TECPR2: variants seen among roughly 807,000 people sequenced by gnomAD.
The protein encoded by TECPR2 is tectonin beta-propeller repeat containing 2, also known as tectonin beta-propeller repeat-containing protein 2.
Under a neutral mutation model 138.1 loss-of-function variants are expected in TECPR2, and 65 were observed. That is an observed-to-expected ratio of 0.47 (90% CI 0.39 to 0.58). The LOEUF (loss-of-function observed/expected upper bound fraction) is 0.58. Among genes scored for constraint, TECPR2 ranks in the 20% least tolerant of loss-of-function variants. The probability of loss-of-function intolerance (pLI) is 0.00; values close to 1 mark genes in which losing one functional copy is unlikely to be tolerated. For missense variants in TECPR2, 1,553 were observed against 1,824.5 expected, an observed-to-expected ratio of 0.85 and a Z score of 2.71; for synonymous variants, 746 against 749.8, an observed-to-expected ratio of 0.99 and a Z score of 0.08.
chr14:102,441,275 G>A (rs908686139), intron 11 of TECPR2, among the ~76,000 whole-genome samples: 23 of 151,818 alleles, frequency 1.5e-4, no homozygotes, highest in African/African-American at 4.8e-4. Flanking sequence ...TCACTATGTC[G>A]GCCAGGCTGG....
At chr14:102,429,249 G>A (rs983057764) in intron 7 of TECPR2, among the ~76,000 whole-genome samples, 39 of 152,144 alleles carry the variant, frequency 2.6e-4, no homozygotes, top group African/African-American at 9.2e-4. Flanking sequence ...TTGCTTTCAT[G>A]GTTGTGGAAG....
At chr14:102,441,629 G>A (rs1449309834) in intron 11 of TECPR2, among the ~76,000 whole-genome samples, 1 of 152,028 alleles carries the variant, frequency 6.6e-6, no homozygotes, top group Non-Finnish European at 1.5e-5. Flanking sequence ...GGCAGAGCTT[G>A]CAGTGAGCTG....
At chr14:102,414,869 C>G in intron 5 of TECPR2, 76 bp downstream of exon 5, 1 of 1,550,430 alleles carries the variant, frequency 6.4e-7, no homozygotes, top group Non-Finnish European at 8.7e-7. Context: ...TTTCTTAGGT[C>G]TCCTGTTTGC....
At chr14:102,470,642 T>C (rs908698940) in intron 17 of TECPR2, among the ~76,000 whole-genome samples, 27 of 148,662 alleles carry the variant, frequency 1.8e-4, no homozygotes, top group East Asian at 5.9e-4. Context: ...TCTTCTTCTT[T>C]TTTTTTTTTT....
chr14:102,428,244 T>TTTTTTTTG lies in TECPR2; in HGVS notation c.952-6_952-5insTTTTTTTG. 1.5e-6 allele frequency: 2 copies of TTTTTTTTG among 1,350,742 alleles called. No homozygotes were observed. Among genetic ancestry groups the TTTTTTTTG allele is most frequent in the Non-Finnish European group, 2.0e-6 (2 of 1,019,606 alleles). 83.7% of individuals were successfully genotyped at this position (1,350,742 alleles called of 1,614,324 possible). A position where few individuals can be genotyped will look rare whatever the true frequency, so the allele number is the denominator to read the frequency against. The stretch of plus-strand genomic sequence containing the variant: ...TTTGTTTTTTTTTTTTTTTTTTTTT[T>TTTTTTTTG]GACAGGCCACAGTTGCTGGTTTGGA... On this transcript the variant is annotated splice_polypyrimidine_tract_variant and splice_region_variant and intron_variant, in intron 6 of 19. Transcript: ENST00000359520.
chr14:102,450,008 C>A, intron 14 of TECPR2, 139 bp downstream of exon 14: 1 of 1,260,080 alleles, frequency 7.9e-7, no homozygotes, highest in Non-Finnish European at 1.1e-6. Context: ...TGGAGGCACT[C>A]TATGCTTTGT....
intron 1 of TECPR2, among the ~76,000 whole-genome samples, chr14:102,373,103 A>T (rs1158869222): frequency 6.6e-6 from 1 of 152,162 alleles, no homozygotes; most frequent in Non-Finnish European, 1.5e-5. Context: ...TTCTGCATCC[A>T]TGAAGTGGAG....
intron 13 of TECPR2, among the ~76,000 whole-genome samples, chr14:102,447,584 G>T (rs1315390491): frequency 6.6e-6 from 1 of 152,034 alleles, no homozygotes; most frequent in Non-Finnish European, 1.5e-5. Context: ...ACCCAGTCTG[G>T]AGTACAATGG....
In TECPR2 at chr14:102,435,098, G is replaced by C; in HGVS notation, c.2281G>C (p.Gly761Arg). The change falls in exon 9 of 20, where the codon GGG becomes CGG. Residue 761 changes from glycine (G) to arginine (R), a missense_variant. Physicochemically the swap from Gly to Arg is moderately radical, Grantham distance 125. Coordinates refer to ENST00000359520, the MANE Select transcript of TECPR2 (RefSeq NM_014844.5). Reference protein sequence around the residue: ...SSDEEDIYAHGLPSSSSETSV... With the variant: ...SSDEEDIYAHRLPSSSSETSV... ...CGATGAGGAGGACATCTATGCCCAC[G>C]GGCTTCCTTCTTCATCCTCAGAGAC... The C allele has an allele frequency of 6.2e-7, 1 of 1,613,822 alleles. No homozygotes were observed. The highest frequency in any genetic ancestry group is 2.2e-5 in the East Asian group (1 of 44,874).
chr14:102,489,806 G>T (rs1021998624), intron 17 of TECPR2, among the ~76,000 whole-genome samples: 8 of 152,090 alleles, frequency 5.3e-5, no homozygotes, highest in African/African-American at 1.9e-4. Flanking sequence ...TTAAATGAGG[G>T]TTTATTCAGC....
chr14:102,465,355 T>A, intron 17 of TECPR2, 66 bp downstream of exon 17: 1 of 1,587,568 alleles, frequency 6.3e-7, no homozygotes, highest in Non-Finnish European at 8.6e-7. Flanking sequence ...ATGCTGGTAC[T>A]GGGAAAAAGG....
intron 17 of TECPR2, among the ~76,000 whole-genome samples, chr14:102,480,022 CCTG>C (rs1890852622): frequency 2.0e-5 from 3 of 152,238 alleles, no homozygotes; most frequent in Admixed American, 6.5e-5. Context: ...TTGTTTTTTG[CCTG>C]TAGATTCAAT....
intron 1 of TECPR2, among the ~76,000 whole-genome samples, chr14:102,372,751 C>G (rs1291135981): frequency 6.6e-6 from 1 of 151,962 alleles, no homozygotes; most frequent in African/African-American, 2.4e-5. Context: ...GAAACCCCAT[C>G]TCTATTAAAA....
intron 2 of TECPR2, among the ~76,000 whole-genome samples, chr14:102,405,003 A>G (rs1258345171): frequency 1.3e-5 from 2 of 152,062 alleles, no homozygotes; most frequent in Non-Finnish European, 1.5e-5. Flanking sequence ...ACCTAATACT[A>G]CATTCAAAAA....
intron 7 of TECPR2, 42 bp downstream of exon 7, chr14:102,428,424 G>GTGC: frequency 6.2e-7 from 1 of 1,603,144 alleles, no homozygotes; most frequent in Non-Finnish European, 8.5e-7. Flanking sequence ...ATGATGGGAA[G>GTGC]TACTATACTC....
At chr14:102,380,022 C>T (rs569624861) in intron 2 of TECPR2, among the ~76,000 whole-genome samples, 7 of 144,822 alleles carry the variant, frequency 4.8e-5, no homozygotes, top group African/African-American at 1.6e-4. Flanking sequence ...TCTTAAAATC[C>T]GTGCACAGAG....
At position 102,482,401 on chromosome 14, in the gene TECPR2, ACT is replaced by A. The variant is rs201079796; in HGVS notation, c.3790-14573_3790-14572del. 4.2e-4 allele frequency among the ~76,000 whole-genome samples: 64 copies of A among 150,806 alleles called. No homozygotes were observed. In the East Asian group the frequency reaches 0.01, roughly 25 times the overall value. On this transcript the variant is annotated intron_variant, in intron 17 of 19. Transcript: ENST00000359520. Reference sequence around the variant, plus strand: ...TGCAGTTCCACACATTCAATCCCAAACTCTCTGCCAGTTGTCTCACACATTAG... The same window carrying A: ...TGCAGTTCCACACATTCAATCCCAAACTCTGCCAGTTGTCTCACACATTAG...
chr14:102,438,197 C>T lies in TECPR2; in HGVS notation c.2570C>T (p.Ser857Leu), dbSNP rs1460213625. Residue 857 changes from serine (S) to leucine (L), a missense_variant, in exon 10 of 20, where the codon TCG becomes TTG. Transcript: ENST00000359520. ...GATGCTGTCCAGCAGGTGGCAGTCT[C>T]GCCCTCAGGTTCGCCTCCCCGCTCC... is the stretch of plus-strand genomic sequence containing the variant. Reference protein sequence around the residue: ...FEDAVQQVAVSPSGALLWKIE... With the variant: ...FEDAVQQVAVLPSGALLWKIE... 5 of 1,605,326 alleles carry T rather than the reference C, an allele frequency of 3.1e-6. No individual in the cohort carries two copies. Among genetic ancestry groups the T allele is most frequent in the Non-Finnish European group, 3.4e-6 (4 of 1,178,670 alleles).
chr14:102,376,887 A>G lies in TECPR2; in HGVS notation c.166A>G (p.Met56Val). Residue 56 changes from methionine (M) to valine (V), a missense_variant, in exon 2 of 20, where the codon ATG becomes GTG. Met to Val is a conservative substitution (Grantham distance 21). Coordinates refer to ENST00000359520, the MANE Select transcript of TECPR2 (RefSeq NM_014844.5). Reference protein sequence around the residue: ...DYIAVGSSIGMLYLYCRHLNQ... With the variant: ...DYIAVGSSIGVLYLYCRHLNQ... The stretch of plus-strand genomic sequence containing the variant: ...CATCGCGGTGGGCAGCAGCATCGGC[A>G]TGCTCTATCTGTACTGCCGGCACCT... 1 of 1,614,150 alleles carries G rather than the reference A, an allele frequency of 6.2e-7. No individual in the cohort carries two copies. Among genetic ancestry groups the G allele is most frequent in the African/African-American group, 1.3e-5 (1 of 75,028 alleles).
Sources: allele counts gnomAD v4.1 joint callset (sites outside exome capture counted in the v4.1 genomes callset), GRCh38; gene constraint gnomAD v4.1.1; transcripts MANE v1.5; gene names NCBI Gene and HGNC (gene_info 2026-07-23, HGNC 2026-07-21).